DPYD: variants seen among roughly 807,000 people sequenced by gnomAD.
DPYD encodes the protein dihydropyrimidine dehydrogenase.
Under a neutral mutation model 116.2 loss-of-function variants are expected in DPYD, and 109 were observed. The ratio of observed to expected loss-of-function variants is 0.94; its 90% CI spans 0.80 to 1.10. The LOEUF is 1.10. DPYD is among the 50% of genes least tolerant of loss of function. The probability of loss-of-function intolerance (pLI) is 0.00; values close to 1 mark genes in which losing one functional copy is unlikely to be tolerated. For synonymous variants in DPYD, 440 were observed against 432.0 expected, an observed-to-expected ratio of 1.02 and a Z score of -0.23; for missense variants, 1,302 against 1,254.5, an observed-to-expected ratio of 1.04 and a Z score of -0.57.
chr1:97,857,126 A>G (rs1670883522), intron 2 of DPYD, among the ~76,000 whole-genome samples: 1 of 152,150 alleles, frequency 6.6e-6, no homozygotes, highest in Admixed American at 6.5e-5. Flanking sequence ...CAATACCAGC[A>G]CTGGATTTTG....
rs1674645592 is a variant in DPYD, at chr1:97,422,512, AC to A, written c.1905+27546del. On this transcript the variant is annotated intron_variant, in intron 14 of 22. Transcript: ENST00000370192. ...AACAAAGGAGAGGTAAAGTAGAGTA[AC>A]CTTTTTTAGAATGTATTTTTCTGGT... 3.3e-5 allele frequency among the ~76,000 whole-genome samples: 5 copies of A among 152,224 alleles called. 1 individual carries two copies. In the South Asian group the frequency reaches 1.0e-3, roughly 32 times the overall value.
At chr1:97,751,426 A>C in intron 3 of DPYD, among the ~76,000 whole-genome samples, 1 of 98,288 alleles carries the variant, frequency 1.0e-5, no homozygotes, top group African/African-American at 3.9e-5. Flanking sequence ...ATATATATGT[A>C]TACGTGTGTG....
intron 16 of DPYD, among the ~76,000 whole-genome samples, chr1:97,355,896 A>C (rs1195778799): frequency 6.6e-6 from 1 of 152,252 alleles, no homozygotes; most frequent in Non-Finnish European, 1.5e-5. Context: ...ATAGATAGGC[A>C]TGCAGACATT....
At chr1:97,287,383 C>G (rs984269308) in intron 18 of DPYD, among the ~76,000 whole-genome samples, 2 of 152,164 alleles carry the variant, frequency 1.3e-5, no homozygotes, top group Admixed American at 6.5e-5. Context: ...AGGGGTCAGG[C>G]ACCCACTTGA....
intron 1 of DPYD, among the ~76,000 whole-genome samples, chr1:97,905,544 TAAAG>T (rs1421952712): frequency 6.6e-6 from 1 of 151,934 alleles, no homozygotes; most frequent in Non-Finnish European, 1.5e-5. Context: ...TCCCAACAAA[TAAAG>T]ATTCTGTCCT....
intron 21 of DPYD, among the ~76,000 whole-genome samples, chr1:97,090,349 T>C (rs960664320): frequency 1.3e-5 from 2 of 152,192 alleles, no homozygotes; most frequent in Admixed American, 6.5e-5. Flanking sequence ...CTTTGATATC[T>C]TCCTAGCTGT....
intron 2 of DPYD, among the ~76,000 whole-genome samples, chr1:97,881,817 G>A (rs1037342255): frequency 1.3e-5 from 2 of 151,602 alleles, no homozygotes; most frequent in Non-Finnish European, 2.9e-5. Context: ...AGTCTTTAAG[G>A]GCTTTCTAAG....
intron 2 of DPYD, among the ~76,000 whole-genome samples, chr1:97,862,688 A>C (rs1372505993): frequency 6.6e-6 from 1 of 151,972 alleles, no homozygotes; most frequent in East Asian, 1.9e-4. Context: ...TCAAAAACTC[A>C]AATTAATTGG....
chr1:97,097,765 A>C (rs1387032269), intron 21 of DPYD, among the ~76,000 whole-genome samples: 1 of 152,096 alleles, frequency 6.6e-6, no homozygotes, highest in Non-Finnish European at 1.5e-5. Flanking sequence ...TAGAAGTAAA[A>C]CTGGAAAAAC....
intron 2 of DPYD, among the ~76,000 whole-genome samples, chr1:97,877,824 A>G (rs1430120703): frequency 6.6e-6 from 1 of 151,970 alleles, no homozygotes; most frequent in African/African-American, 2.4e-5. Flanking sequence ...TTCTCCATCA[A>G]ATTTAACAGA....
chr1:97,415,837 GA>G (rs987714604), intron 14 of DPYD, among the ~76,000 whole-genome samples: 10 of 152,028 alleles, frequency 6.6e-5, no homozygotes, highest in Admixed American at 3.3e-4. Flanking sequence ...TGGCTTTTAG[GA>G]AGTAATATCA....
At chr1:97,422,277 G>C (rs1177365792) in intron 14 of DPYD, among the ~76,000 whole-genome samples, 1 of 152,100 alleles carries the variant, frequency 6.6e-6, no homozygotes, top group Non-Finnish European at 1.5e-5. Context: ...TTATTAGCGA[G>C]AGTTTTACAA....
At chr1:97,710,557 G>C (rs909984877) in intron 5 of DPYD, among the ~76,000 whole-genome samples, 5 of 151,836 alleles carry the variant, frequency 3.3e-5, no homozygotes, top group African/African-American at 1.2e-4. Context: ...AATTCTCAAA[G>C]ATTTTTTTCC....
intron 3 of DPYD, among the ~76,000 whole-genome samples, chr1:97,824,928 C>CA (rs1491214629): frequency 6.6e-6 from 1 of 152,152 alleles, no homozygotes; most frequent in African/African-American, 2.4e-5. Context: ...CATCAACTCT[C>CA]AGTCTTTTCC....
At chr1:97,829,900 C>T (rs1295903468) in intron 2 of DPYD, among the ~76,000 whole-genome samples, 2 of 151,702 alleles carry the variant, frequency 1.3e-5, no homozygotes, top group African/African-American at 4.8e-5. Flanking sequence ...CCTCCCTCAG[C>T]CCCCCACCCC....
At chr1:97,729,774 T>C (rs1254291999) in intron 4 of DPYD, among the ~76,000 whole-genome samples, 2 of 152,158 alleles carry the variant, frequency 1.3e-5, no homozygotes, top group Non-Finnish European at 2.9e-5. Context: ...CTTGAGAACT[T>C]ACAATCTTCC....
chr1:97,769,094 T>G (rs1258450549), intron 3 of DPYD, among the ~76,000 whole-genome samples: 1 of 152,100 alleles, frequency 6.6e-6, no homozygotes, highest in Non-Finnish European at 1.5e-5. Context: ...TCTATAGCTA[T>G]TCATCTTTCT....
intron 15 of DPYD, among the ~76,000 whole-genome samples, chr1:97,377,921 A>G (rs1356520100): frequency 6.6e-6 from 1 of 152,228 alleles, no homozygotes; most frequent in Non-Finnish European, 1.5e-5. Context: ...TCCGTGGGTG[A>G]TAAGGTCTGG....
At chr1:97,185,445 A>G (rs1657929883) in intron 20 of DPYD, among the ~76,000 whole-genome samples, 1 of 152,178 alleles carries the variant, frequency 6.6e-6, no homozygotes, top group Admixed American at 6.5e-5. Context: ...AAACTTATGC[A>G]TCCACCTTAT....
Sources: gnomAD v4.1 joint callset for allele counts (sites outside exome capture counted in the v4.1 genomes callset) on GRCh38, gnomAD v4.1.1 for gene constraint, MANE v1.5 for transcripts, NCBI Gene and HGNC (gene_info 2026-07-23, HGNC 2026-07-21) for gene names.